Variants in ABHD2 observed in about 807,000 individuals in gnomAD.
The protein encoded by ABHD2 is abhydrolase domain containing 2, acylglycerol lipase, also known as monoacylglycerol lipase ABHD2.
A neutral mutation model predicts 48.1 loss-of-function variants in ABHD2; 20 were observed. The observed-to-expected ratio is 0.42, with a 90% CI of 0.29 to 0.60. The LOEUF (loss-of-function observed/expected upper bound fraction) is 0.60. Ranked by LOEUF, ABHD2 falls within the 20% of genes least tolerant of loss-of-function variation. ABHD2 has a pLI of 0.24. For synonymous variants in ABHD2, 209 were observed against 214.2 expected (o/e 0.98, Z 0.21); for missense variants, 405 against 550.9 (o/e 0.74, Z 2.65).
intron 3 of ABHD2, among the ~76,000 whole-genome samples, chr15:89,142,550 G>C (rs2050421376): frequency 6.6e-6 from 1 of 152,190 alleles, no homozygotes; most frequent in Non-Finnish European, 1.5e-5. Flanking sequence ...AGCTAAATTA[G>C]AGCACGGTAA....
At chr15:89,190,555 C>T (rs1365280141) in intron 8 of ABHD2, among the ~76,000 whole-genome samples, 1 of 152,148 alleles carries the variant, frequency 6.6e-6, no homozygotes, top group Non-Finnish European at 1.5e-5. Context: ...CCTTGAATTT[C>T]AGTTTCTCCA....
chr15:89,127,395 G>C (rs1567079804), intron 3 of ABHD2, among the ~76,000 whole-genome samples: 1 of 152,092 alleles, frequency 6.6e-6, no homozygotes, highest in Non-Finnish European at 1.5e-5. Context: ...AGCCTCCCAG[G>C]AAGGGAGAGA....
Position 89,132,205 on chromosome 15 carries a change from G to C in ABHD2, c.194+15684G>C, listed in dbSNP as rs548928239. 8.5e-5 allele frequency among the ~76,000 whole-genome samples: 13 copies of C among 152,318 alleles called. No individual in the cohort carries two copies. The South Asian group carries it at 1.2e-3, about 15-fold the overall frequency. On this transcript the variant is annotated intron_variant, in intron 3 of 10. Transcript: ENST00000352732. ...AGAGCTGTCGGGTCAGACACACACA[G>C]AGTTCAAATGCAGGGTCCGCTGTGC... is the stretch of plus-strand genomic sequence containing the variant.
chr15:89,085,706 A>C (rs115096659), upstream of ABHD2, among the ~76,000 whole-genome samples: 476 of 152,280 alleles, frequency 3.1e-3, 5 homozygotes, highest in African/African-American at 0.01. This position sits in a 1 kb window ranked among gnomAD's most constrained non-coding sequence, Gnocchi z 4.2. Flanking sequence ...ATGGGAGAAA[A>C]AAGCCATTTA....
At chr15:89,127,750 A>T (rs1197769862) in intron 3 of ABHD2, among the ~76,000 whole-genome samples, 1 of 130,828 alleles carries the variant, frequency 7.6e-6, no homozygotes, top group Non-Finnish European at 1.5e-5. Flanking sequence ...TGTATATTTT[A>T]AAAATTAGTC....
rs2051138172 is a variant in ABHD2, at chr15:89,182,991, C to T, written c.723-2433C>T. On this transcript the variant is annotated intron_variant, in intron 6 of 10. Coordinates refer to ENST00000352732, the MANE Select transcript of ABHD2 (RefSeq NM_152924.5). This position sits in a 1 kb window ranked among gnomAD's most constrained non-coding sequence, Gnocchi z 4.8. ...TCTACACCTATCCATTCAACCCCTCCCTCAGAAACTACATTCTTTTAAAGC... is the reference window on the plus strand; with the variant it reads ...TCTACACCTATCCATTCAACCCCTCTCTCAGAAACTACATTCTTTTAAAGC... 6.6e-6 allele frequency among the ~76,000 whole-genome samples: 1 copy of T among 152,150 alleles called. No homozygotes were observed. Among genetic ancestry groups the T allele is most frequent in the Non-Finnish European group, 1.5e-5 (1 of 68,028 alleles).
intron 5 of ABHD2, among the ~76,000 whole-genome samples, chr15:89,159,317 C>T (rs895105089): frequency 4.6e-5 from 7 of 151,862 alleles, no homozygotes; most frequent in African/African-American, 1.5e-4. Flanking sequence ...GCGGAGGTTG[C>T]AGTGAGCCGA....
At chr15:89,136,681 T>C (rs1348014698) in intron 3 of ABHD2, among the ~76,000 whole-genome samples, 1 of 152,238 alleles carries the variant, frequency 6.6e-6, no homozygotes, top group African/African-American at 2.4e-5. Context: ...CCTAGTTGAT[T>C]AGCGTGTTCT....
intron 3 of ABHD2, among the ~76,000 whole-genome samples, chr15:89,119,864 C>T (rs1014955961): frequency 6.6e-6 from 1 of 152,200 alleles, no homozygotes; most frequent in African/African-American, 2.4e-5. Flanking sequence ...GGAAACACGT[C>T]TGTTATGAGG....
rs144396527 is a variant in ABHD2, at chr15:89,091,363, G to T, written c.-107+2800G>T. Among the ~76,000 whole-genome samples the T allele has an allele frequency of 6.6e-6, 1 of 152,050 alleles. No homozygotes were observed. The highest frequency in any genetic ancestry group is 2.1e-4 in the South Asian group (1 of 4,822). On this transcript the variant is annotated intron_variant, in intron 1 of 10. Coordinates refer to ENST00000352732, the MANE Select transcript of ABHD2 (RefSeq NM_152924.5). The surrounding 1 kb of genome is among the most constrained non-coding windows in gnomAD (Gnocchi z 5.5). ...TTTTCTTGAGTTGATTCTGAATTTCGGTTTTTGTTTAAGCTGTTCTAGAGA... is the reference window on the plus strand; with the variant it reads ...TTTTCTTGAGTTGATTCTGAATTTCTGTTTTTGTTTAAGCTGTTCTAGAGA...
chr15:89,131,641 A>G (rs1012521004), intron 3 of ABHD2, among the ~76,000 whole-genome samples: 1 of 152,238 alleles, frequency 6.6e-6, no homozygotes, highest in Non-Finnish European at 1.5e-5. Context: ...CTGATGAGGA[A>G]ATGATAAAAG....
At chr15:89,134,401 T>G (rs1486425003) in intron 3 of ABHD2, among the ~76,000 whole-genome samples, 1 of 152,212 alleles carries the variant, frequency 6.6e-6, no homozygotes, top group Non-Finnish European at 1.5e-5. Flanking sequence ...CAATCCATCT[T>G]TACCCCATTA....
chr15:89,050,361 A>G, the ABHD2 span, among the ~76,000 whole-genome samples: 9 of 152,328 alleles, frequency 5.9e-5, no homozygotes, highest in East Asian at 1.9e-4. Context: ...CATGTGTCCA[A>G]TGAAGAAATG....
intron 5 of ABHD2, among the ~76,000 whole-genome samples, chr15:89,172,214 A>G (rs1036297800): frequency 3.3e-5 from 5 of 152,212 alleles, no homozygotes; most frequent in Admixed American, 1.3e-4. Context: ...TGTTAAGTAT[A>G]TTGATTGTTT....
In ABHD2 at chr15:89,174,474, C is replaced by G. The variant is rs1467095060; in HGVS notation, c.539-1338C>G. ...TTCTATGCACACTGCAGCTTAAGAA[C>G]TGCATGGGGCTGTGCCGGCCTGGCT... is the stretch of plus-strand genomic sequence containing the variant. On this transcript the variant is annotated intron_variant, in intron 5 of 10. Coordinates refer to ENST00000352732, the MANE Select transcript of ABHD2 (RefSeq NM_152924.5). This position sits in a 1 kb window ranked among gnomAD's most constrained non-coding sequence, Gnocchi z 4.1. Among the ~76,000 whole-genome samples the G allele has an allele frequency of 2.6e-5, 4 of 152,188 alleles. No homozygotes were observed. Among genetic ancestry groups the G allele is most frequent in the Admixed American group, 6.5e-5 (1 of 15,274 alleles).
chr15:89,062,099 T>C, the ABHD2 span, among the ~76,000 whole-genome samples: 1 of 151,950 alleles, frequency 6.6e-6, no homozygotes, highest in East Asian at 1.9e-4. Context: ...AAGCCTGAGG[T>C]TATTTCAAAA....
At chr15:89,075,674 G>A in the ABHD2 span, among the ~76,000 whole-genome samples, 5,315 of 152,196 alleles carry the variant, frequency 0.035, 199 homozygotes, top group East Asian at 0.14. The surrounding 1 kb of genome is among the most constrained non-coding windows in gnomAD (Gnocchi z 4.1). Context: ...GAATCAGTTG[G>A]TGAGAACTGC....
In ABHD2 at chr15:89,188,896, A is replaced by AG. The variant is rs2051258497; in HGVS notation, c.926+593_926+594insG. Among the ~76,000 whole-genome samples the AG allele has an allele frequency of 6.6e-6, 1 of 151,740 alleles. No individual in the cohort carries two copies. The highest frequency in any genetic ancestry group is 1.5e-5 in the Non-Finnish European group (1 of 67,918). On this transcript the variant is annotated intron_variant, in intron 8 of 10. Transcript: ENST00000352732. This position sits in a 1 kb window ranked among gnomAD's most constrained non-coding sequence, Gnocchi z 4.1. ...CCTTCTCAAAATTAAAAAAAAAAAA[A>AG]AAGAAGTAGAAAAACAGAAGATAGA...
At chr15:89,181,334 C>G (rs2051111463) in intron 6 of ABHD2, among the ~76,000 whole-genome samples, 1 of 151,140 alleles carries the variant, frequency 6.6e-6, no homozygotes, top group Admixed American at 6.6e-5. Context: ...GGAAAGAAAT[C>G]CCCTCCTTCT....
Sources: allele counts gnomAD v4.1 joint callset (sites outside exome capture counted in the v4.1 genomes callset), GRCh38; gene constraint gnomAD v4.1.1; non-coding constraint Gnocchi (gnomAD v3.1); transcripts MANE v1.5; gene names NCBI Gene and HGNC (gene_info 2026-07-23, HGNC 2026-07-21).